Variants in CCDC171 observed in about 807,000 individuals in gnomAD.
CCDC171 encodes the protein coiled-coil domain-containing protein 171.
A neutral mutation model predicts 168.2 loss-of-function variants in CCDC171; 177 were observed. The observed-to-expected ratio is 1.05, with a 90% CI of 0.93 to 1.19. The LOEUF is 1.19. Ranked by LOEUF, CCDC171 falls within the 50% of genes most tolerant of loss-of-function variation. The probability of loss-of-function intolerance (pLI) is 0.00; values close to 1 mark genes in which losing one functional copy is unlikely to be tolerated. For synonymous variants in CCDC171, 687 were observed against 540.8 expected (o/e 1.27, Z -3.75); for missense variants, 1,991 against 1,539.0 (o/e 1.29, Z -4.91).
intron 18 of CCDC171, among the ~76,000 whole-genome samples, chr9:15,768,192 T>A (rs201092212): frequency 6.9e-6 from 1 of 145,406 alleles, no homozygotes; most frequent in Non-Finnish European, 1.5e-5. Flanking sequence ...ATGAGTTTCC[T>A]AAAAAAAAAA....
intron 7 of CCDC171, among the ~76,000 whole-genome samples, chr9:15,642,542 C>G (rs2132560495): frequency 6.6e-6 from 1 of 151,414 alleles, no homozygotes; most frequent in Admixed American, 6.6e-5. Context: ...CTCTAGCACC[C>G]TCTGCTGGAT....
At chr9:15,889,464 A>G (rs976237296) in intron 24 of CCDC171, among the ~76,000 whole-genome samples, 2 of 152,124 alleles carry the variant, frequency 1.3e-5, no homozygotes, top group East Asian at 1.9e-4. Flanking sequence ...AATTTTTGCT[A>G]TCTACTCTCT....
At chr9:15,889,468 A>G (rs1457620601) in intron 24 of CCDC171, among the ~76,000 whole-genome samples, 1 of 151,830 alleles carries the variant, frequency 6.6e-6, no homozygotes, top group Non-Finnish European at 1.5e-5. Context: ...TTTGCTATCT[A>G]CTCTCTCTTG....
At chr9:15,570,549 C>G (rs1439787007) in intron 2 of CCDC171, among the ~76,000 whole-genome samples, 6 of 152,206 alleles carry the variant, frequency 3.9e-5, no homozygotes, top group Non-Finnish European at 7.4e-5. Context: ...AGGGGCTTAA[C>G]CTAAAAAGAT....
At chr9:15,967,201 G>A (rs147198872) in intron 25 of CCDC171, among the ~76,000 whole-genome samples, 104 of 152,254 alleles carry the variant, frequency 6.8e-4, no homozygotes, top group African/African-American at 2.4e-3. Context: ...GTAAGAGCAC[G>A]TTAGGAACCA....
intron 7 of CCDC171, among the ~76,000 whole-genome samples, chr9:15,640,103 T>C (rs2046487547): frequency 6.6e-6 from 1 of 152,192 alleles, no homozygotes. Flanking sequence ...GAGATCATCA[T>C]GAAAAGTTAT....
intron 21 of CCDC171, among the ~76,000 whole-genome samples, chr9:15,839,212 C>G (rs2060573278): frequency 6.6e-6 from 1 of 151,968 alleles, no homozygotes; most frequent in Admixed American, 6.6e-5. Context: ...AAAGTGTATC[C>G]TTAAATAATA....
At chr9:15,743,742 A>C (rs924458804) in intron 16 of CCDC171, among the ~76,000 whole-genome samples, 1 of 152,230 alleles carries the variant, frequency 6.6e-6, no homozygotes, top group African/African-American at 2.4e-5. Flanking sequence ...AACTGAAATT[A>C]AGTGAGTATC....
intron 24 of CCDC171, among the ~76,000 whole-genome samples, chr9:15,901,824 C>T (rs1337602828): frequency 6.6e-6 from 1 of 152,092 alleles, no homozygotes. Context: ...TGTGTTTCAA[C>T]ATGAAAATAT....
At chr9:15,694,990 T>C (rs1328274242) in intron 10 of CCDC171, among the ~76,000 whole-genome samples, 1 of 152,182 alleles carries the variant, frequency 6.6e-6, no homozygotes, top group Non-Finnish European at 1.5e-5. Flanking sequence ...ATAAAATGAA[T>C]TACTATATAT....
chr9:15,850,210 G>T (rs2061068791), intron 23 of CCDC171: 1 of 151,888 alleles, frequency 6.6e-6, no homozygotes, highest in African/African-American at 2.4e-5. Flanking sequence ...TTGAAATCCA[G>T]TTGGTTTTTC....
At chr9:15,776,870 A>C (rs951797053) in intron 18 of CCDC171, among the ~76,000 whole-genome samples, 1 of 152,228 alleles carries the variant, frequency 6.6e-6, no homozygotes, top group Non-Finnish European at 1.5e-5. Flanking sequence ...CTATGAATTT[A>C]AATAATCTTT....
intron 18 of CCDC171, among the ~76,000 whole-genome samples, chr9:15,750,723 C>G (rs1280388513): frequency 6.6e-6 from 1 of 152,164 alleles, no homozygotes; most frequent in East Asian, 1.9e-4. Flanking sequence ...CGACAAAATT[C>G]AACAGCCCTT....
rs561727995 is a variant in CCDC171, at chr9:15,656,736, G to T, written c.823-391G>T. Among the ~76,000 whole-genome samples the T allele has an allele frequency of 5.3e-5, 8 of 152,250 alleles. No homozygotes were observed. In the East Asian group the frequency reaches 9.6e-4, roughly 18 times the overall value. ...TCGTGATTACTTGGGTATGTGGTGG[G>T]GTGGTGAGGGCTGGAGGAAGGCATT... is the stretch of plus-strand genomic sequence containing the variant. On this transcript the variant is annotated intron_variant, in intron 7 of 25. Transcript: ENST00000380701.
chr9:16,064,037 ACTGAATTTGC>A (rs1833965263), downstream of CCDC171, among the ~76,000 whole-genome samples: 1 of 152,116 alleles, frequency 6.6e-6, no homozygotes, highest in Admixed American at 6.5e-5. Context: ...ACAGTGAAAA[ACTGAATTTGC>A]CTGCCCCAGT....
At chr9:16,075,698 C>G in the CCDC171 span, among the ~76,000 whole-genome samples, 1 of 152,108 alleles carries the variant, frequency 6.6e-6, no homozygotes, top group African/African-American at 2.4e-5. Flanking sequence ...CAGGCCACAG[C>G]TTTAGTCGGG....
chr9:16,101,577 G>A, the CCDC171 span, among the ~76,000 whole-genome samples: 2 of 152,208 alleles, frequency 1.3e-5, no homozygotes, highest in Admixed American at 6.5e-5. Context: ...AAGTTAAAGA[G>A]CAAATTATCT....
At chr9:15,982,392 C>A (rs554187197) in intron 3 of CCDC171, among the ~76,000 whole-genome samples, 1 of 152,232 alleles carries the variant, frequency 6.6e-6, no homozygotes, top group South Asian at 2.1e-4. Context: ...ATGATACCTT[C>A]TCTACTGAGC....
rs1273249439 is a variant in CCDC171 at position 15,979,590 on chromosome 9, T to C, written n.369-40999T>C. Among the ~76,000 whole-genome samples the C allele has an allele frequency of 4.6e-5, 7 of 152,204 alleles. No individual in the cohort carries two copies. The South Asian group carries it at 1.2e-3, about 27-fold the overall frequency. On this transcript the variant is annotated intron_variant and non_coding_transcript_variant, in intron 3 of 9. Transcript: ENST00000486641. ...TATTCTATTAATATGATGTCTTACATTGATTGATTTTCACACGTTAAACCA... is the reference window on the plus strand; with the variant it reads ...TATTCTATTAATATGATGTCTTACACTGATTGATTTTCACACGTTAAACCA...
Sources: allele counts gnomAD v4.1 joint callset (sites outside exome capture counted in the v4.1 genomes callset), GRCh38; gene constraint gnomAD v4.1.1; transcripts MANE v1.5; gene names NCBI Gene and HGNC (gene_info 2026-07-23, HGNC 2026-07-21).